The following MAPK10 variants were observed in gnomAD, a reference collection of about 807,000 sequenced individuals.
The protein encoded by MAPK10 is mitogen-activated protein kinase 10, also known as JNK3 alpha protein kinase.
MAPK10 carries 25 observed loss-of-function variants against 59.3 expected under a neutral mutation model. The ratio of observed to expected loss-of-function variants is 0.42; its 90% CI spans 0.31 to 0.59. The LOEUF (loss-of-function observed/expected upper bound fraction) is 0.59, where lower values mean the gene tolerates loss of function less well. MAPK10 is among the 20% of genes least tolerant of loss of function. MAPK10 has a pLI of 0.15. For missense variants in MAPK10, 351 were observed against 568.9 expected (o/e 0.62, Z 3.90); for synonymous variants, 190 against 200.5 (o/e 0.95, Z 0.44).
intron 1 of MAPK10, chr4:86,370,990 T>C (rs1738673518): frequency 6.6e-6 from 1 of 152,174 alleles, no homozygotes; most frequent in Non-Finnish European, 1.5e-5. Flanking sequence ...AGTAAAGAGA[T>C]CACTTTCCTA....
In MAPK10 at chr4:86,349,895, CAG is replaced by C. The variant is rs199541444; in HGVS notation, c.-7+4633_-7+4634del. Among the ~76,000 whole-genome samples the C allele has an allele frequency of 3.6e-3, 551 of 152,138 alleles. 6 individuals are homozygous for C. Among genetic ancestry groups the C allele is most frequent in the East Asian group, 0.025 (130 of 5,166 alleles). On this transcript the variant is annotated intron_variant, in intron 2 of 13. Coordinates refer to ENST00000641462, the MANE Select transcript of MAPK10 (RefSeq NM_138982.4). ...TGGAAAGGAGTAAGTAAGGGCTGTG[CAG>C]AGTGAATACAGGCAGTATAAACAGC...
intron 11 of MAPK10, among the ~76,000 whole-genome samples, chr4:86,037,192 G>A (rs976361006): frequency 2.0e-5 from 3 of 152,146 alleles, no homozygotes; most frequent in African/African-American, 4.8e-5. Flanking sequence ...TTCTACTAAA[G>A]CGATCTCTTT....
At position 86,512,942 on chromosome 4, in the gene MAPK10, G is replaced by A. The variant is rs564392994; in HGVS notation, c.-263+80968C>T. Among the ~76,000 whole-genome samples, 26 of 152,252 alleles carry A rather than the reference G, an allele frequency of 1.7e-4. 1 individual carries two copies. Among genetic ancestry groups the A allele is most frequent in the African/African-American group, 5.8e-4 (24 of 41,544 alleles). On this transcript the variant is annotated intron_variant, in intron 1 of 4. Transcript: ENST00000502302. The stretch of plus-strand genomic sequence containing the variant: ...TCAGAACAACCCTCCATATCATAAT[G>A]AGACTCTTACCTCTCTTAATGCCCA...
At chr4:86,149,041 C>T (rs868577481) in intron 4 of MAPK10, among the ~76,000 whole-genome samples, 2 of 152,146 alleles carry the variant, frequency 1.3e-5, no homozygotes, top group Non-Finnish European at 2.9e-5. Context: ...ATTCAACCAC[C>T]AGCCAATAAT....
intron 2 of MAPK10, among the ~76,000 whole-genome samples, chr4:86,240,631 T>C (rs181626617): frequency 1.6e-4 from 24 of 152,286 alleles, no homozygotes; most frequent in Admixed American, 1.2e-3. Context: ...TGGTTGAAAG[T>C]CTGTTTTGTC....
In MAPK10 at chr4:86,556,459, A is replaced by G. The variant is rs560509122; in HGVS notation, c.-263+37451T>C. On this transcript the variant is annotated intron_variant, in intron 1 of 4. Coordinates refer to the MAPK10 transcript ENST00000502302. ...ACATAAGAAAATATAACACATGTGCACCTAAAAGAATTTTAAAAATTACCT... is the reference window on the plus strand; with the variant it reads ...ACATAAGAAAATATAACACATGTGCGCCTAAAAGAATTTTAAAAATTACCT... Among the ~76,000 whole-genome samples, 223 of 152,232 alleles carry G rather than the reference A, an allele frequency of 1.5e-3. 2 individuals are homozygous for G. The highest frequency in any genetic ancestry group is 5.1e-3 in the African/African-American group (210 of 41,556).
intron 1 of MAPK10, among the ~76,000 whole-genome samples, chr4:86,588,051 C>T (rs888233913): frequency 2.0e-5 from 3 of 152,138 alleles, no homozygotes; most frequent in African/African-American, 7.2e-5. Flanking sequence ...AAAGTATGGA[C>T]ATTTTCCCTA....
At chr4:86,042,308 C>T (rs997379373) in intron 11 of MAPK10, among the ~76,000 whole-genome samples, 6 of 152,106 alleles carry the variant, frequency 3.9e-5, no homozygotes, top group African/African-American at 1.4e-4. Context: ...GAACATCACA[C>T]ACCAGGACCT....
intron 2 of MAPK10, among the ~76,000 whole-genome samples, chr4:86,261,702 A>G (rs1273060730): frequency 6.6e-6 from 1 of 152,220 alleles, no homozygotes; most frequent in Non-Finnish European, 1.5e-5. Flanking sequence ...GACTTTTGTG[A>G]CTGGACATGC....
intron 4 of MAPK10, chr4:86,151,986 C>A (rs1350194106): frequency 6.6e-6 from 1 of 152,180 alleles, no homozygotes; most frequent in African/African-American, 2.4e-5. Flanking sequence ...TTGCTGCCAG[C>A]CCACCTGGTG....
In MAPK10 at chr4:86,297,504, G is replaced by A. The variant is rs566584635; in HGVS notation, c.-7+57026C>T. Reference sequence around the variant, plus strand: ...CTTTTTGTATTATTAGTAGAGACGCGGTTTCACCATGTTGGCCAGGCTGGT... The same window carrying A: ...CTTTTTGTATTATTAGTAGAGACGCAGTTTCACCATGTTGGCCAGGCTGGT... On this transcript the variant is annotated intron_variant, in intron 2 of 13. Transcript: ENST00000641462. Among the ~76,000 whole-genome samples, 22 of 152,142 alleles carry A rather than the reference G, an allele frequency of 1.4e-4. No homozygotes were observed. In the South Asian group the frequency reaches 3.3e-3, roughly 23 times the overall value.
chr4:86,236,195 G>A (rs192313009), intron 2 of MAPK10, among the ~76,000 whole-genome samples: 1 of 151,970 alleles, frequency 6.6e-6, no homozygotes, highest in East Asian at 1.9e-4. Flanking sequence ...GATTATATTG[G>A]GCCCACTTAG....
intron 4 of MAPK10, among the ~76,000 whole-genome samples, chr4:86,117,125 T>C (rs955429890): frequency 6.6e-6 from 1 of 152,224 alleles, no homozygotes; most frequent in Non-Finnish European, 1.5e-5. Context: ...AAATACATTA[T>C]AAGCTGGGCA....
At chr4:86,589,940 C>A (rs1171124737) in intron 1 of MAPK10, among the ~76,000 whole-genome samples, 3 of 149,578 alleles carry the variant, frequency 2.0e-5, no homozygotes, top group Non-Finnish European at 4.4e-5. Flanking sequence ...GCCGAGATCG[C>A]GCCACTGCAC....
intron 2 of MAPK10, among the ~76,000 whole-genome samples, chr4:86,237,303 C>T (rs778201865): frequency 3.2e-4 from 49 of 152,228 alleles, no homozygotes; most frequent in Non-Finnish European, 5.4e-4. Context: ...GTAAATAGTG[C>T]TGCAATAAAC....
At chr4:86,577,061 T>C (rs1370933085) in intron 1 of MAPK10, among the ~76,000 whole-genome samples, 4 of 152,158 alleles carry the variant, frequency 2.6e-5, no homozygotes, top group Non-Finnish European at 5.9e-5. Context: ...CGCAGCTCTT[T>C]GGGATGCCGA....
intron 9 of MAPK10, chr4:86,091,236 T>C (rs1427772453): frequency 6.6e-6 from 1 of 151,294 alleles, no homozygotes; most frequent in Non-Finnish European, 1.5e-5. Context: ...TTGGAAAAGG[T>C]TTATTTATTT....
intron 3 of MAPK10, among the ~76,000 whole-genome samples, chr4:86,179,602 T>C (rs2076447878): frequency 6.6e-6 from 1 of 152,040 alleles, no homozygotes; most frequent in South Asian, 2.1e-4. Flanking sequence ...CAAAATATAC[T>C]ACAAGGCTAT....
rs7660151 is a variant in MAPK10 at position 86,015,946 on chromosome 4, A to G, written c.*1282T>C. 1 of 152,176 alleles carries G rather than the reference A, an allele frequency of 6.6e-6. No individual in the cohort carries two copies. The highest frequency in any genetic ancestry group is 1.5e-5 in the Non-Finnish European group (1 of 68,006). 9.4% of individuals were successfully genotyped at this position (152,176 alleles called of 1,614,324 possible). A position where few individuals can be genotyped will look rare whatever the true frequency, so the allele number is the denominator to read the frequency against. The stretch of plus-strand genomic sequence containing the variant: ...ACTGTGGTTTGGGGGTTTCATTATT[A>G]TTATTATTATTTTATTTCAGAAGAG... On this transcript the variant is annotated 3_prime_UTR_variant, in exon 14 of 14. Coordinates refer to ENST00000641462, the MANE Select transcript of MAPK10 (RefSeq NM_138982.4).
Sources: allele counts gnomAD v4.1 joint callset (sites outside exome capture counted in the v4.1 genomes callset), GRCh38; gene constraint gnomAD v4.1.1; transcripts MANE v1.5; gene names NCBI Gene and HGNC (gene_info 2026-07-23, HGNC 2026-07-21).